ZBTB20: variants seen among roughly 807,000 people sequenced by gnomAD.
The protein encoded by ZBTB20 is zinc finger and BTB domain containing 20, also known as zinc finger and BTB domain-containing protein 20.
Under a neutral mutation model 56.9 loss-of-function variants are expected in ZBTB20, and 9 were observed. The observed-to-expected ratio is 0.16, with a 90% confidence interval of 0.10 to 0.28. ZBTB20 has a LOEUF of 0.28. Among genes scored for constraint, ZBTB20 ranks in the 10% least tolerant of loss-of-function variants. The pLI, the probability that ZBTB20 is intolerant of heterozygous loss-of-function variation, is 1.00. For missense variants in ZBTB20, 655 were observed against 1,003.0 expected (o/e 0.65, Z 4.69); for synonymous variants, 417 against 420.7 (o/e 0.99, Z 0.11).
At chr3:114,849,485 C>G (rs1387493767) in intron 4 of ZBTB20, among the ~76,000 whole-genome samples, 1 of 152,144 alleles carries the variant, frequency 6.6e-6, no homozygotes, top group Admixed American at 6.5e-5. Context: ...AGAATAAAGG[C>G]ATAGCAAACT....
rs1017127116 is a variant in ZBTB20, at chr3:114,566,080, G to A, written c.-294-65689C>T. Among the ~76,000 whole-genome samples the A allele has an allele frequency of 6.9e-5, 10 of 144,412 alleles. No individual in the cohort carries two copies. In the South Asian group the frequency reaches 1.5e-3, roughly 22 times the overall value. 94.7% of individuals were successfully genotyped at this position (144,412 alleles called of 152,430 possible). A position where few individuals can be genotyped will look rare whatever the true frequency, so the allele number is the denominator to read the frequency against. ...GAAACACCCTATTTACTTAGGATTC[G>A]TTTAGTCTGGCACTTCCCCCCTATA... On this transcript the variant is annotated intron_variant, in intron 6 of 11. Coordinates refer to ENST00000675478, the MANE Select transcript of ZBTB20 (RefSeq NM_001348800.3).
intron 6 of ZBTB20, among the ~76,000 whole-genome samples, chr3:114,554,333 C>T (rs560175948): frequency 5.3e-5 from 8 of 152,256 alleles, no homozygotes; most frequent in African/African-American, 1.4e-4. Flanking sequence ...AATCTTCCCA[C>T]GTTACTACCA....
chr3:114,726,802 C>T (rs79874058), intron 5 of ZBTB20, among the ~76,000 whole-genome samples: 16,226 of 149,358 alleles, frequency 0.11, 1,139 homozygotes, highest in East Asian at 0.36. Flanking sequence ...GTCCCCGCTG[C>T]TCAGGAGGCT....
At chr3:115,076,354 T>C (rs897422051) in intron 1 of ZBTB20, among the ~76,000 whole-genome samples, 5 of 152,188 alleles carry the variant, frequency 3.3e-5, no homozygotes, top group African/African-American at 4.8e-5. Context: ...GGCATAAAGA[T>C]AGATATATAG....
intron 6 of ZBTB20, among the ~76,000 whole-genome samples, chr3:114,507,816 T>C (rs1274957222): frequency 2.0e-5 from 3 of 152,136 alleles, no homozygotes; most frequent in Non-Finnish European, 4.4e-5. Flanking sequence ...TTGAGTAAAA[T>C]ACATTCTACA....
chr3:114,420,318 A>T (rs1418609309), intron 7 of ZBTB20, among the ~76,000 whole-genome samples: 3 of 152,154 alleles, frequency 2.0e-5, no homozygotes, highest in Non-Finnish European at 4.4e-5. Flanking sequence ...AGCAGAAAGA[A>T]ACATCCTTGG....
rs1356825313 is a variant in ZBTB20 at position 114,952,513 on chromosome 3, A to G, written c.-456+21853T>C. ...GATTATAATTCTGAAAAGGTATTTG[A>G]CAAAATAGTGGCTAGAAAATTCTCA... On this transcript the variant is annotated intron_variant, in intron 3 of 11. Coordinates refer to ENST00000675478, the MANE Select transcript of ZBTB20 (RefSeq NM_001348800.3). 2.0e-5 allele frequency among the ~76,000 whole-genome samples: 3 copies of G among 152,108 alleles called. No homozygotes were observed. In the East Asian group the frequency reaches 5.8e-4, roughly 29 times the overall value.
At chr3:114,755,915 TGTAA>T (rs1460930929) in intron 5 of ZBTB20, among the ~76,000 whole-genome samples, 2 of 152,186 alleles carry the variant, frequency 1.3e-5, no homozygotes, top group African/African-American at 2.4e-5. Context: ...TTACAAACTG[TGTAA>T]CAAGCTTTTC....
Position 114,422,183 on chromosome 3 carries a change from C to T in ZBTB20, c.-254-33078G>A, listed in dbSNP as rs576511485. Among the ~76,000 whole-genome samples, 72 of 152,190 alleles carry T rather than the reference C, an allele frequency of 4.7e-4. No homozygotes were observed. In the South Asian group the frequency reaches 0.014, roughly 29 times the overall value. On this transcript the variant is annotated intron_variant, in intron 7 of 11. Coordinates refer to ENST00000675478, the MANE Select transcript of ZBTB20 (RefSeq NM_001348800.3). ...AAGACTAACTACATTTTACTTAGAC[C>T]ACTACATCGTCTGCTCAGTCTATAG...
At chr3:115,065,209 C>A (rs1406987225) in intron 2 of ZBTB20, among the ~76,000 whole-genome samples, 1 of 151,996 alleles carries the variant, frequency 6.6e-6, no homozygotes, top group Non-Finnish European at 1.5e-5. Context: ...TATAAAAGTG[C>A]TTATTCTCTG....
intron 2 of ZBTB20, among the ~76,000 whole-genome samples, chr3:115,060,340 G>A (rs1180486472): frequency 1.3e-5 from 2 of 152,132 alleles, no homozygotes; most frequent in East Asian, 3.8e-4. Context: ...TACAGTCAAT[G>A]AATGTGAGCT....
At chr3:114,683,682 G>A (rs142648682) in intron 6 of ZBTB20, among the ~76,000 whole-genome samples, 45 of 152,086 alleles carry the variant, frequency 3.0e-4, no homozygotes, top group Middle Eastern at 6.8e-3. Flanking sequence ...TTTCCCCAGG[G>A]CATTAAGCCC....
chr3:115,139,907 A>G (rs1173941941), intron 1 of ZBTB20, among the ~76,000 whole-genome samples: 1 of 152,042 alleles, frequency 6.6e-6, no homozygotes, highest in Non-Finnish European at 1.5e-5. Context: ...TAAGTACTTA[A>G]TATCATATAT....
intron 6 of ZBTB20, among the ~76,000 whole-genome samples, chr3:114,673,327 C>G (rs777721284): frequency 3.9e-5 from 6 of 152,136 alleles, no homozygotes; most frequent in South Asian, 2.1e-4. Flanking sequence ...TGTACCTACC[C>G]CACAGGGTGA....
chr3:115,030,966 A>G (rs958255863), intron 2 of ZBTB20, among the ~76,000 whole-genome samples: 3 of 151,554 alleles, frequency 2.0e-5, no homozygotes, highest in Admixed American at 1.3e-4. Context: ...TAAAAATTCA[A>G]TATGCACAAA....
intron 2 of ZBTB20, among the ~76,000 whole-genome samples, chr3:114,991,208 T>C (rs1418729752): frequency 6.6e-6 from 1 of 152,154 alleles, no homozygotes; most frequent in African/African-American, 2.4e-5. Flanking sequence ...CGGGTGTCAA[T>C]TTTGGATCTT....
Position 115,054,019 on chromosome 3 carries a change from A to C in ZBTB20, c.-507+17200T>G, listed in dbSNP as rs1014005953. Among the ~76,000 whole-genome samples the C allele has an allele frequency of 3.3e-5, 5 of 152,128 alleles. No individual in the cohort carries two copies. In the East Asian group the frequency reaches 9.6e-4, roughly 29 times the overall value. ...TAAATTAGTTCTTTACTCTGTAAGC[A>C]TAATCATAATCCATTGTCCCCCATT... On this transcript the variant is annotated intron_variant, in intron 2 of 11. Coordinates refer to ENST00000675478, the MANE Select transcript of ZBTB20 (RefSeq NM_001348800.3).
intron 7 of ZBTB20, among the ~76,000 whole-genome samples, chr3:114,431,628 A>G (rs1233224934): frequency 1.3e-5 from 2 of 152,226 alleles, no homozygotes; most frequent in Non-Finnish European, 1.5e-5. Flanking sequence ...GAACAAAAAA[A>G]GAGGGATTAA....
intron 10 of ZBTB20, among the ~76,000 whole-genome samples, chr3:114,368,403 C>A (rs374680763): frequency 2.6e-5 from 4 of 152,158 alleles, no homozygotes; most frequent in African/African-American, 7.2e-5. Context: ...TCATACCTGC[C>A]CCCACCCTGA....
Sources: allele counts gnomAD v4.1 joint callset (sites outside exome capture counted in the v4.1 genomes callset), GRCh38; gene constraint gnomAD v4.1.1; transcripts MANE v1.5; gene names NCBI Gene and HGNC (gene_info 2026-07-23, HGNC 2026-07-21).